Variants in XKR6 observed in about 807,000 individuals in gnomAD.
XKR6 encodes the protein XK-related protein 6.
XKR6 carries 22 observed loss-of-function variants against 56.7 expected under a neutral mutation model. The ratio of observed to expected loss-of-function variants is 0.39; its 90% confidence interval spans 0.28 to 0.55. The LOEUF (loss-of-function observed/expected upper bound fraction) is 0.55. XKR6 is among the 20% of genes least tolerant of loss of function. XKR6 has a pLI of 0.66. For synonymous variants in XKR6, 524 were observed against 387.8 expected (o/e 1.35, Z -4.13); for missense variants, 852 against 889.0 (o/e 0.96, Z 0.53).
At chr8:11,147,057 A>G (rs181806546) in intron 1 of XKR6, among the ~76,000 whole-genome samples, 19 of 151,974 alleles carry the variant, frequency 1.3e-4, no homozygotes, top group Non-Finnish European at 2.5e-4. Context: ...TTTGCTAAGA[A>G]GGTAGATCTC....
intron 1 of XKR6, among the ~76,000 whole-genome samples, chr8:11,117,661 T>C (rs1799246237): frequency 6.6e-6 from 1 of 152,070 alleles, no homozygotes; most frequent in Admixed American, 6.5e-5. Flanking sequence ...TTAAGGCACA[T>C]GAAGAACTTT....
chr8:10,911,298 A>G (rs1010922363), intron 2 of XKR6, among the ~76,000 whole-genome samples: 23 of 148,036 alleles, frequency 1.6e-4, no homozygotes, highest in African/African-American at 5.8e-4. Context: ...GATTGTATAT[A>G]TATGTGTAGA....
chr8:11,104,463 C>G (rs1319167188), intron 1 of XKR6, among the ~76,000 whole-genome samples: 1 of 152,264 alleles, frequency 6.6e-6, no homozygotes, highest in African/African-American at 2.4e-5. Context: ...GCATAAATTT[C>G]TCTGGAAAAT....
chr8:11,196,316 A>G (rs144892012), intron 1 of XKR6, among the ~76,000 whole-genome samples: 142 of 152,356 alleles, frequency 9.3e-4, no homozygotes, highest in African/African-American at 3.3e-3. Flanking sequence ...CATTATTTGT[A>G]TCCCATAAAA....
chr8:11,161,309 C>A (rs1268892321), intron 1 of XKR6, among the ~76,000 whole-genome samples: 1 of 152,202 alleles, frequency 6.6e-6, no homozygotes, highest in Non-Finnish European at 1.5e-5. Flanking sequence ...GTCTTCTACT[C>A]CTTCAAGTGC....
At chr8:11,003,204 T>C (rs529882041) in intron 1 of XKR6, among the ~76,000 whole-genome samples, 1 of 152,270 alleles carries the variant, frequency 6.6e-6, no homozygotes, top group East Asian at 1.9e-4. Context: ...GAGGCACAGA[T>C]GAAGCTGCAC....
At chr8:11,130,764 C>T (rs777502800) in intron 1 of XKR6, among the ~76,000 whole-genome samples, 153 of 152,090 alleles carry the variant, frequency 1.0e-3, no homozygotes, top group African/African-American at 2.8e-3. Flanking sequence ...CGACAGATGC[C>T]ACACAGGGGG....
At chr8:11,136,522 A>G (rs1800410850) in intron 1 of XKR6, among the ~76,000 whole-genome samples, 2 of 144,424 alleles carry the variant, frequency 1.4e-5, no homozygotes, top group Non-Finnish European at 3.1e-5. Flanking sequence ...AAAAAAAAAA[A>G]GTCCTACGTT....
At chr8:11,135,624 G>C (rs1445519930) in intron 1 of XKR6, among the ~76,000 whole-genome samples, 1 of 151,996 alleles carries the variant, frequency 6.6e-6, no homozygotes, top group Non-Finnish European at 1.5e-5. Flanking sequence ...CTAAAATAGT[G>C]TGGTATGAAC....
rs529049338 is a variant in XKR6 at position 11,144,390 on chromosome 8, G to A, written c.764+56186C>T. Among the ~76,000 whole-genome samples, 421 of 151,298 alleles carry A rather than the reference G, an allele frequency of 2.8e-3. 1 individual carries two copies. The highest frequency in any genetic ancestry group is 9.8e-3 in the African/African-American group (403 of 41,102). On this transcript the variant is annotated intron_variant, in intron 1 of 2. Coordinates refer to ENST00000416569, the MANE Select transcript of XKR6 (RefSeq NM_173683.4). ...TACTAGATGAGAGATGGTCACATTT[G>A]AGAAAGTGGAAAGGAGACAGAGGGG...
Position 10,913,589 on chromosome 8 carries a change from G to A in XKR6, c.961+11045C>T, listed in dbSNP as rs1369601415. 5.9e-5 allele frequency among the ~76,000 whole-genome samples: 9 copies of A among 152,286 alleles called. No individual in the cohort carries two copies. The South Asian group carries it at 6.2e-4, about 11-fold the overall frequency. ...CTTCTGCCTCCTAACACCCCTCTGC[G>A]ATAGAAGAGATCACCAGTGTTTACA... On this transcript the variant is annotated intron_variant, in intron 2 of 2. Transcript: ENST00000416569.
intron 1 of XKR6, among the ~76,000 whole-genome samples, chr8:11,169,840 T>C (rs546211992): frequency 6.6e-6 from 1 of 152,216 alleles, no homozygotes; most frequent in Non-Finnish European, 1.5e-5. Flanking sequence ...TTTTACACTA[T>C]ATATATTTTA....
chr8:11,136,102 A>T (rs1477069580), intron 1 of XKR6, among the ~76,000 whole-genome samples: 2 of 152,210 alleles, frequency 1.3e-5, no homozygotes, highest in Admixed American at 6.5e-5. Flanking sequence ...AAACTAGTGC[A>T]TCCCACCACC....
At chr8:11,065,238 C>G (rs956400811) in intron 1 of XKR6, among the ~76,000 whole-genome samples, 4 of 152,218 alleles carry the variant, frequency 2.6e-5, no homozygotes, top group Non-Finnish European at 5.9e-5. Context: ...GATTATAGAG[C>G]TGAATTTTTT....
intron 1 of XKR6, among the ~76,000 whole-genome samples, chr8:11,066,490 G>A (rs573623581): frequency 2.4e-4 from 37 of 152,310 alleles, no homozygotes; most frequent in Admixed American, 1.2e-3. Context: ...CACCTTTGTG[G>A]ATGTGGCTTA....
intron 1 of XKR6, among the ~76,000 whole-genome samples, chr8:10,965,386 G>A (rs1429646362): frequency 6.6e-6 from 1 of 152,234 alleles, no homozygotes; most frequent in Non-Finnish European, 1.5e-5. Context: ...GGGCCCCACA[G>A]ACTTTCCCAC....
intron 1 of XKR6, among the ~76,000 whole-genome samples, chr8:11,090,820 C>T (rs1251522758): frequency 1.3e-5 from 2 of 152,128 alleles, no homozygotes; most frequent in East Asian, 3.8e-4. Flanking sequence ...ATCTGCCTAC[C>T]ATCTGGGGCT....
intron 1 of XKR6, among the ~76,000 whole-genome samples, chr8:11,110,922 C>T (rs911538042): frequency 2.8e-4 from 43 of 151,812 alleles, no homozygotes; most frequent in Admixed American, 3.9e-4. Context: ...CTGCAAGCTC[C>T]GCCTCCCAGG....
intron 1 of XKR6, among the ~76,000 whole-genome samples, chr8:11,044,077 T>C (rs1799350005): frequency 6.6e-6 from 1 of 152,228 alleles, no homozygotes; most frequent in African/African-American, 2.4e-5. Flanking sequence ...CCACCAGCTG[T>C]AACTACAGCT....
Sources: gnomAD v4.1 joint callset for allele counts (sites outside exome capture counted in the v4.1 genomes callset) on GRCh38, gnomAD v4.1.1 for gene constraint, MANE v1.5 for transcripts, NCBI Gene and HGNC (gene_info 2026-07-23, HGNC 2026-07-21) for gene names.